PCGF3: variants seen among roughly 807,000 people sequenced by gnomAD.
The protein encoded by PCGF3 is polycomb group ring finger 3.
In PCGF3, 7 loss-of-function variants were observed where a neutral mutation model predicts 33.1. The ratio of observed to expected loss-of-function variants is 0.21; its 90% CI spans 0.12 to 0.40. The LOEUF is 0.40. Among genes scored for constraint, PCGF3 ranks in the 10% least tolerant of loss-of-function variants. The pLI, the probability that PCGF3 is intolerant of heterozygous loss-of-function variation, is 1.00. For synonymous variants in PCGF3, 153 were observed against 121.3 expected (o/e 1.26, Z -1.72); for missense variants, 211 against 313.3 (o/e 0.67, Z 2.46).
intron 3 of PCGF3, 141 bp downstream of exon 3, chr4:731,251 C>T (rs570533141): frequency 5.0e-6 from 2 of 398,206 alleles, no homozygotes; most frequent in Admixed American, 4.4e-5. Context: ...GCCGAGTTTT[C>T]CTGGCCCCTC....
chr4:765,541 C>T (rs1745319325), intron 10 of PCGF3, among the ~76,000 whole-genome samples: 3 of 152,192 alleles, frequency 2.0e-5, no homozygotes, highest in African/African-American at 7.2e-5. Flanking sequence ...GCCAGCTGAG[C>T]TGCGAAGGGC....
At chr4:749,534 T>TGGAGTGC (rs1486549697) in intron 8 of PCGF3, among the ~76,000 whole-genome samples, 47 of 139,954 alleles carry the variant, frequency 3.4e-4, no homozygotes, top group African/African-American at 1.2e-3. Flanking sequence ...GGCTGGAGTG[T>TGGAGTGC]GGAGTGCAGT....
At chr4:739,021 C>T (rs552775294) in intron 6 of PCGF3, among the ~76,000 whole-genome samples, 3 of 152,236 alleles carry the variant, frequency 2.0e-5, no homozygotes, top group East Asian at 1.9e-4. Context: ...AGCCTCACCC[C>T]GTGGCCTTTG....
intron 1 of PCGF3, among the ~76,000 whole-genome samples, chr4:712,401 T>A (rs112074470): frequency 6.6e-6 from 1 of 152,216 alleles, no homozygotes; most frequent in African/African-American, 2.4e-5. Flanking sequence ...TGCTTTTTTT[T>A]AAGATAAACT....
intron 8 of PCGF3, among the ~76,000 whole-genome samples, chr4:760,273 T>C (rs1410410217): frequency 6.6e-6 from 1 of 152,196 alleles, no homozygotes; most frequent in African/African-American, 2.4e-5. Flanking sequence ...TTTCTGTTCT[T>C]CCCTTTGGGG....
chr4:738,924 C>T (rs1200994006), intron 6 of PCGF3, among the ~76,000 whole-genome samples: 1 of 152,076 alleles, frequency 6.6e-6, no homozygotes, highest in Non-Finnish European at 1.5e-5. Context: ...TGGGCGGGAT[C>T]GGGGCAGGAA....
In PCGF3 at chr4:720,727, C is replaced by T. The variant is rs528387224; in HGVS notation, c.-189-9903C>T. 4.7e-5 allele frequency among the ~76,000 whole-genome samples: 7 copies of T among 148,578 alleles called. No individual in the cohort carries two copies. Among genetic ancestry groups the T allele is most frequent in the South Asian group, 2.1e-4 (1 of 4,676 alleles). ...TGGACCCGGCGTGGACGGGCGGTGACGTGCGTGTGGACCCGGCGTGGACGC... is the reference window on the plus strand; with the variant it reads ...TGGACCCGGCGTGGACGGGCGGTGATGTGCGTGTGGACCCGGCGTGGACGC... On this transcript the variant is annotated intron_variant, in intron 1 of 10. Transcript: ENST00000362003. This position sits in a 1 kb window ranked among gnomAD's most constrained non-coding sequence, Gnocchi z 5.6.
chr4:734,285 G>T, intron 4 of PCGF3: 1 of 1,461,768 alleles, frequency 6.8e-7, no homozygotes, highest in East Asian at 2.5e-5. Context: ...TCAGGCTGAG[G>T]CTCGGCTCTT....
At chr4:767,271 G>A (rs532916785) in exon 11 of PCGF3, 23 of 152,242 alleles carry the variant, frequency 1.5e-4, no homozygotes, top group African/African-American at 5.5e-4. Context: ...CCTCCCGGAT[G>A]GTCATGTTTT....
At position 729,081 on chromosome 4, in the gene PCGF3, C is replaced by T. The variant is rs187741687; in HGVS notation, c.-189-1549C>T. Among the ~76,000 whole-genome samples the T allele has an allele frequency of 4.5e-4, 50 of 112,110 alleles. 2 individuals carry two copies. In the East Asian group the frequency reaches 9.8e-3, roughly 22 times the overall value. 73.5% of individuals were successfully genotyped at this position (112,110 alleles called of 152,430 possible). ...CACCACTGCACTCCGGCCTGGGTGA[C>T]AGAGCGAGACTCCATCTCAAAAAAA... On this transcript the variant is annotated intron_variant, in intron 1 of 10. Transcript: ENST00000362003.
At chr4:751,484 CT>C (rs1744510825) in intron 8 of PCGF3, among the ~76,000 whole-genome samples, 1 of 152,174 alleles carries the variant, frequency 6.6e-6, no homozygotes, top group South Asian at 2.1e-4. Flanking sequence ...GCGGTGGCCC[CT>C]GAGCTCCTGC....
At chr4:729,171 T>TG (rs1743451003) in intron 1 of PCGF3, among the ~76,000 whole-genome samples, 1 of 148,200 alleles carries the variant, frequency 6.7e-6, no homozygotes, top group Non-Finnish European at 1.5e-5. Context: ...TCTCAGCACT[T>TG]TGGGAGGCTG....
Position 713,899 on chromosome 4 carries a change from T to C in PCGF3, c.-190+7929T>C, listed in dbSNP as rs377624960. ...GGCTCACCTTAAAATTTTTTAAATG[T>C]TAAGTGATTTTAATTTACTTTTTTA... On this transcript the variant is annotated intron_variant, in intron 1 of 10. Coordinates refer to ENST00000362003, the Ensembl canonical transcript of PCGF3. 1.1e-4 allele frequency among the ~76,000 whole-genome samples: 16 copies of C among 152,316 alleles called. No homozygotes were observed. In the East Asian group the frequency reaches 2.7e-3, roughly 26 times the overall value.
intron 5 of PCGF3, 141 bp from the exon 6 acceptor site, chr4:737,325 T>G (rs1743879215): frequency 1.5e-6 from 1 of 651,004 alleles, no homozygotes; most frequent in African/African-American, 1.8e-5. Flanking sequence ...GTGACACATT[T>G]TTTCATGTGT....
chr4:725,671 G>A (rs866874439), intron 1 of PCGF3, among the ~76,000 whole-genome samples: 4 of 151,896 alleles, frequency 2.6e-5, no homozygotes, highest in Admixed American at 1.3e-4. Flanking sequence ...GGCTGCTGTG[G>A]GCTCTGCGCT....
At chr4:717,142 G>T (rs1476353367) in intron 1 of PCGF3, among the ~76,000 whole-genome samples, 1 of 39,870 alleles carries the variant, frequency 2.5e-5, no homozygotes, top group African/African-American at 1.7e-4. Flanking sequence ...CTGAGCGTCG[G>T]TGCTGGGACC....
chr4:724,270 C>G (rs1743234849), intron 1 of PCGF3, among the ~76,000 whole-genome samples: 1 of 152,204 alleles, frequency 6.6e-6, no homozygotes, highest in Admixed American at 6.5e-5. Flanking sequence ...GGGGCTACAG[C>G]AAAGGCCCCG....
intron 4 of PCGF3, chr4:734,052 C>CT: frequency 6.4e-7 from 1 of 1,550,686 alleles, no homozygotes. Context: ...CACGGAGCAG[C>CT]AAGGCCAGTA....
chr4:725,576 A>AG (rs1743296169), intron 1 of PCGF3, among the ~76,000 whole-genome samples: 273 of 36,852 alleles, frequency 7.4e-3, no homozygotes, highest in African/African-American at 0.014. Context: ...GGGCTGCCGA[A>AG]GGCTGCTGTG....
Sources: allele counts gnomAD v4.1 joint callset (sites outside exome capture counted in the v4.1 genomes callset), GRCh38; gene constraint gnomAD v4.1.1; non-coding constraint Gnocchi (gnomAD v3.1); transcripts MANE v1.5; gene names NCBI Gene and HGNC (gene_info 2026-07-23, HGNC 2026-07-21).